The following ZNF827 variants were observed in gnomAD, a reference collection of about 807,000 sequenced individuals.
ZNF827 encodes zinc finger protein 827.
ZNF827 carries 13 observed loss-of-function variants against 102.4 expected under a neutral mutation model. That is an observed-to-expected ratio of 0.13 (90% confidence interval 0.08 to 0.20). The LOEUF is 0.20. Ranked by LOEUF, ZNF827 falls within the 10% of genes least tolerant of loss-of-function variation. ZNF827 has a pLI of 1.00. For missense variants in ZNF827, 1,103 were observed against 1,344.4 expected (o/e 0.82, Z 2.81); for synonymous variants, 523 against 536.2 (o/e 0.98, Z 0.34).
chr4:145,843,977 C>T (rs1366634669), intron 7 of ZNF827, among the ~76,000 whole-genome samples: 2 of 152,190 alleles, frequency 1.3e-5, no homozygotes, highest in African/African-American at 2.4e-5. Context: ...AGCACTTCCA[C>T]GAGAATCTCC....
At chr4:145,860,861 C>T (rs1034004205) in intron 5 of ZNF827, among the ~76,000 whole-genome samples, 1 of 152,156 alleles carries the variant, frequency 6.6e-6, no homozygotes, top group African/African-American at 2.4e-5. Context: ...ATCCTAAAAG[C>T]CATAAGAGAA....
At chr4:145,870,074 A>C (rs1049825535) in intron 5 of ZNF827, among the ~76,000 whole-genome samples, 171 bp downstream of exon 5, 2 of 152,234 alleles carry the variant, frequency 1.3e-5, no homozygotes, top group African/African-American at 4.8e-5. Context: ...TACACAAACA[A>C]ACTCACACAC....
At chr4:145,854,391 T>C (rs1473280469) in intron 5 of ZNF827, among the ~76,000 whole-genome samples, 3 of 151,860 alleles carry the variant, frequency 2.0e-5, no homozygotes, top group Admixed American at 1.3e-4. Context: ...GAACTGTTGT[T>C]ACCTACCCTT....
intron 7 of ZNF827, among the ~76,000 whole-genome samples, chr4:145,834,548 T>TC (rs1744614731): frequency 6.6e-6 from 1 of 152,096 alleles, no homozygotes; most frequent in African/African-American, 2.4e-5. Context: ...TGACTAGCCC[T>TC]CCCCATCCTG....
At chr4:145,929,091 A>G (rs1753631386) in intron 1 of ZNF827, among the ~76,000 whole-genome samples, 1 of 152,242 alleles carries the variant, frequency 6.6e-6, no homozygotes, top group South Asian at 2.1e-4. Context: ...TGTGTGGGGC[A>G]AAACACATTA....
At chr4:145,835,202 G>A (rs1744680795) in intron 7 of ZNF827, 1 of 152,232 alleles carries the variant, frequency 6.6e-6, no homozygotes, top group African/African-American at 2.4e-5. Context: ...GATCTTCTCG[G>A]CTTAGCGGCT....
chr4:145,813,077 C>T (rs990991575), intron 8 of ZNF827, among the ~76,000 whole-genome samples: 22 of 152,178 alleles, frequency 1.4e-4, no homozygotes, highest in African/African-American at 4.1e-4. Flanking sequence ...TTCCATTAAA[C>T]GCCCATTAGT....
intron 1 of ZNF827, among the ~76,000 whole-genome samples, chr4:145,925,851 C>G (rs554294918): frequency 6.6e-6 from 1 of 152,204 alleles, no homozygotes; most frequent in African/African-American, 2.4e-5. Flanking sequence ...CTTAGAAAAT[C>G]ACCCCCAACG....
At chr4:145,873,214 C>T (rs1318595896) in intron 4 of ZNF827, among the ~76,000 whole-genome samples, 1 of 152,108 alleles carries the variant, frequency 6.6e-6, no homozygotes, top group East Asian at 1.9e-4. Flanking sequence ...GGATTATAGG[C>T]GTGAGCCGAC....
chr4:145,918,412 AT>A (rs1752833353), intron 1 of ZNF827, among the ~76,000 whole-genome samples: 1 of 146,368 alleles, frequency 6.8e-6, no homozygotes, highest in South Asian at 2.2e-4. Flanking sequence ...TTTTCTTTAT[AT>A]ATAAAAAAAA....
At chr4:145,805,700 T>C (rs1344438875) in intron 8 of ZNF827, among the ~76,000 whole-genome samples, 1 of 152,196 alleles carries the variant, frequency 6.6e-6, no homozygotes, top group East Asian at 1.9e-4. Context: ...ATACTTGCAA[T>C]GAAAGCCCAA....
Position 145,885,824 on chromosome 4 carries a change from G to A in ZNF827, c.1601C>T (p.Thr534Ile). 2 of 1,614,144 alleles carry A rather than the reference G, an allele frequency of 1.2e-6. No individual in the cohort carries two copies. Among genetic ancestry groups the A allele is most frequent in the Non-Finnish European group, 1.7e-6 (2 of 1,179,994 alleles). Residue 534 changes from threonine to isoleucine, a missense_variant, in exon 4 of 15, where the codon ACC becomes ATC. This residue lies in a region of ZNF827 where 157 missense variants were observed against 211.7 expected (regional missense o/e 0.74). Transcript: ENST00000508784. Reference sequence around the variant, plus strand: ...GTCGGCAGCATTCAAAGTAAAGGAGGTGGGCAGGCCGTTATCTTCCTTGGG... The same window carrying A: ...GTCGGCAGCATTCAAAGTAAAGGAGATGGGCAGGCCGTTATCTTCCTTGGG... ...EEPKEDNGLPTSFTLNAADRP... is the reference protein window; with the variant it reads ...EEPKEDNGLPISFTLNAADRP...
intron 1 of ZNF827, 104 bp downstream of exon 1, chr4:145,938,261 A>T: frequency 7.1e-7 from 1 of 1,402,062 alleles, no homozygotes; most frequent in East Asian, 2.3e-5. Flanking sequence ...TCACCTCTGT[A>T]ACCCTAAACT....
chr4:145,928,339 A>AT, intron 1 of ZNF827, among the ~76,000 whole-genome samples: 1 of 152,128 alleles, frequency 6.6e-6, no homozygotes. Flanking sequence ...GGGTGTTTGT[A>AT]TTTTTTAAAA....
At chr4:145,858,899 T>A (rs1351377384) in intron 5 of ZNF827, among the ~76,000 whole-genome samples, 1 of 152,202 alleles carries the variant, frequency 6.6e-6, no homozygotes, top group African/African-American at 2.4e-5. Context: ...GGGTTCAGTA[T>A]ATGCAGACAA....
intron 3 of ZNF827, among the ~76,000 whole-genome samples, chr4:145,889,777 G>A (rs1381297445): frequency 6.6e-6 from 1 of 152,174 alleles, no homozygotes; most frequent in Non-Finnish European, 1.5e-5. Flanking sequence ...AAGAGTTCAA[G>A]ACCAGCGTGG....
rs766723712 is a variant in ZNF827, at chr4:145,823,454, T to A, written c.2351A>T (p.Asp784Val). The change falls in exon 8 of 15, where the codon GAC (aspartate) becomes GTC (valine). Residue 784 changes from aspartate to valine, a missense_variant. This residue lies in a region of ZNF827 where 243 missense variants were observed against 251.6 expected (regional missense o/e 0.97). Coordinates refer to ENST00000508784, the MANE Select transcript of ZNF827 (RefSeq NM_001306215.2). ...TGATATTCTTCCGTGCAGCACGGAG[T>A]CACTGGGCAGCAGTTCTTTTGAATT... ...TSNSKELLPSDSVLHGRISAP... is the reference protein window; with the variant it reads ...TSNSKELLPSVSVLHGRISAP... 9.9e-6 allele frequency: 16 copies of A among 1,613,290 alleles called. No homozygotes were observed. Among genetic ancestry groups the A allele is most frequent in the Middle Eastern group, 1.6e-4 (1 of 6,062 alleles).
rs1734758546 is a variant in ZNF827, at chr4:145,762,941, C to T, written c.*17+149G>A. ...GAGAGGTGTTCAGCAGAGCCCAACA[C>T]AACCAAGTGCACCGTGCACGGCCTC... On this transcript the variant is annotated intron_variant, in intron 14 of 14. Transcript: ENST00000508784. This position sits in a 1 kb window ranked among gnomAD's most constrained non-coding sequence, Gnocchi z 4.9. 1.4e-6 allele frequency: 1 copy of T among 718,168 alleles called. No homozygotes were observed. Among genetic ancestry groups the T allele is most frequent in the Non-Finnish European group, 2.3e-6 (1 of 442,124 alleles). The allele number at this position is 718,168 out of a possible 1,614,324, so 44.5% of individuals were successfully genotyped here. A position where few individuals can be genotyped will look rare whatever the true frequency, so the allele number is the denominator to read the frequency against.
At chr4:145,880,848 C>T (rs749230703) in intron 4 of ZNF827, among the ~76,000 whole-genome samples, 1 of 152,180 alleles carries the variant, frequency 6.6e-6, no homozygotes, top group Non-Finnish European at 1.5e-5. Context: ...AGTGGGAGAG[C>T]CCCCTGGCTG....
Sources: allele counts gnomAD v4.1 joint callset (sites outside exome capture counted in the v4.1 genomes callset), GRCh38; gene constraint gnomAD v4.1.1; regional missense constraint gnomAD v4.1.1; non-coding constraint Gnocchi (gnomAD v3.1); transcripts MANE v1.5; gene names NCBI Gene and HGNC (gene_info 2026-07-23, HGNC 2026-07-21).